RNGTT: variants seen among roughly 807,000 people sequenced by gnomAD.
RNGTT encodes the protein RNA guanylyltransferase and 5'-phosphatase.
In RNGTT, 33 loss-of-function variants were observed where a neutral mutation model predicts 79.3. The ratio of observed to expected loss-of-function variants is 0.42; its 90% confidence interval spans 0.32 to 0.56. RNGTT has a LOEUF of 0.56. Among genes scored for constraint, RNGTT ranks in the 20% least tolerant of loss-of-function variants. The probability of loss-of-function intolerance (pLI) is 0.17; values close to 1 mark genes in which losing one functional copy is unlikely to be tolerated. For synonymous variants in RNGTT, 222 were observed against 235.9 expected (o/e 0.94, Z 0.54); for missense variants, 497 against 739.1 (o/e 0.67, Z 3.80).
chr6:88,828,263 A>AC (rs982248709), intron 11 of RNGTT, among the ~76,000 whole-genome samples: 151 of 152,210 alleles, frequency 9.9e-4, no homozygotes, highest in African/African-American at 3.4e-3. Context: ...TCTGGACTGG[A>AC]CCCCCAGCAA....
intron 14 of RNGTT, among the ~76,000 whole-genome samples, chr6:88,615,670 A>C (rs1214822404): frequency 1.3e-5 from 2 of 152,236 alleles, no homozygotes; most frequent in Admixed American, 1.3e-4. Context: ...CAGTTTTGCT[A>C]TACCACATGT....
At chr6:88,872,804 G>C (rs1782398866) in intron 8 of RNGTT, among the ~76,000 whole-genome samples, 2 of 152,120 alleles carry the variant, frequency 1.3e-5, no homozygotes, top group South Asian at 4.1e-4. Flanking sequence ...GAAAAGTGCT[G>C]AGAAGCATGC....
intron 14 of RNGTT, among the ~76,000 whole-genome samples, chr6:88,636,840 T>C (rs1287337201): frequency 1.3e-5 from 2 of 151,918 alleles, no homozygotes; most frequent in Non-Finnish European, 2.9e-5. Flanking sequence ...TTAAGGACAA[T>C]TCTATCTAGT....
chr6:88,918,086 G>C (rs1208380291), intron 4 of RNGTT, among the ~76,000 whole-genome samples: 1 of 152,102 alleles, frequency 6.6e-6, no homozygotes, highest in African/African-American at 2.4e-5. Flanking sequence ...AGGAGGCCGA[G>C]GCGGGAATAT....
intron 12 of RNGTT, among the ~76,000 whole-genome samples, chr6:88,784,467 T>C (rs1169770937): frequency 6.6e-6 from 1 of 152,030 alleles, no homozygotes; most frequent in Non-Finnish European, 1.5e-5. Context: ...ACATCTAACT[T>C]GATAGTTGAA....
intron 13 of RNGTT, among the ~76,000 whole-genome samples, chr6:88,702,726 G>C (rs1424013346): frequency 6.6e-6 from 1 of 152,086 alleles, no homozygotes. Flanking sequence ...TAATTAAAGA[G>C]CTTCTGCAAA....
At chr6:88,710,968 A>AT (rs1427591656) in intron 13 of RNGTT, among the ~76,000 whole-genome samples, 1 of 152,168 alleles carries the variant, frequency 6.6e-6, no homozygotes, top group Non-Finnish European at 1.5e-5. Context: ...CCAATTCACA[A>AT]TATGTTTTCA....
At chr6:88,744,481 C>T (rs979898841) in intron 13 of RNGTT, among the ~76,000 whole-genome samples, 2 of 152,048 alleles carry the variant, frequency 1.3e-5, no homozygotes, top group Admixed American at 6.6e-5. Context: ...AAGATATTCT[C>T]GATCTCCTGA....
intron 14 of RNGTT, among the ~76,000 whole-genome samples, chr6:88,637,644 C>T (rs1018058998): frequency 5.3e-5 from 8 of 151,952 alleles, no homozygotes; most frequent in African/African-American, 1.4e-4. Context: ...TTTGCTTGCT[C>T]GGTTTCTCGT....
intron 11 of RNGTT, among the ~76,000 whole-genome samples, chr6:88,806,370 T>G (rs1779954742): frequency 2.0e-5 from 3 of 147,364 alleles, no homozygotes. Context: ...CAGGCTGGAG[T>G]GCAGTGGCAC....
intron 14 of RNGTT, among the ~76,000 whole-genome samples, chr6:88,646,761 C>T (rs1173976920): frequency 6.6e-6 from 1 of 151,880 alleles, no homozygotes; most frequent in South Asian, 2.1e-4. Context: ...CCAAACACCG[C>T]ATGTTCTCAC....
chr6:88,617,969 T>G (rs553490070), intron 14 of RNGTT, among the ~76,000 whole-genome samples: 2 of 152,218 alleles, frequency 1.3e-5, no homozygotes, highest in Non-Finnish European at 2.9e-5. Context: ...CATATGTACT[T>G]TACAAGAATG....
intron 11 of RNGTT, among the ~76,000 whole-genome samples, chr6:88,812,231 C>A (rs1023130190): frequency 2.6e-5 from 4 of 152,100 alleles, no homozygotes; most frequent in Admixed American, 2.0e-4. Flanking sequence ...CTTTCATTAA[C>A]CAATATTATT....
chr6:88,660,292 T>C (rs1268672678), intron 14 of RNGTT, among the ~76,000 whole-genome samples: 1 of 152,112 alleles, frequency 6.6e-6, no homozygotes, highest in African/African-American at 2.4e-5. Flanking sequence ...AATAGAACAG[T>C]ACCTCACATC....
At chr6:88,750,202 T>C (rs1777795610) in intron 13 of RNGTT, among the ~76,000 whole-genome samples, 1 of 152,142 alleles carries the variant, frequency 6.6e-6, no homozygotes, top group African/African-American at 2.4e-5. Context: ...TTCAACCCAC[T>C]ACACCAGGCA....
chr6:88,784,806 C>T (rs1260325101), intron 12 of RNGTT, among the ~76,000 whole-genome samples: 2 of 151,948 alleles, frequency 1.3e-5, no homozygotes, highest in Non-Finnish European at 1.5e-5. Flanking sequence ...TAAATCAGAG[C>T]GCTAACAAAA....
intron 4 of RNGTT, among the ~76,000 whole-genome samples, chr6:88,907,877 C>T (rs961440408): frequency 4.0e-5 from 6 of 151,698 alleles, no homozygotes; most frequent in Admixed American, 3.3e-4. Flanking sequence ...GCTGGAACTA[C>T]AGGCTCACAC....
At chr6:88,771,316 T>TGTGTATATATATATATAC in intron 12 of RNGTT, among the ~76,000 whole-genome samples, 1 of 13,656 alleles carries the variant, frequency 7.3e-5, no homozygotes, top group African/African-American at 1.5e-4. Flanking sequence ...TGTGTGTGTG[T>TGTGTATATATATATATAC]ATATATATAT....
chr6:88,902,065 G>A (rs1282409589), intron 6 of RNGTT, among the ~76,000 whole-genome samples: 2 of 152,130 alleles, frequency 1.3e-5, no homozygotes, highest in Non-Finnish European at 2.9e-5. Context: ...GCACACACCT[G>A]TAGTCACAGC....
Sources: allele counts gnomAD v4.1 joint callset (sites outside exome capture counted in the v4.1 genomes callset), GRCh38; gene constraint gnomAD v4.1.1; transcripts MANE v1.5; gene names NCBI Gene and HGNC (gene_info 2026-07-23, HGNC 2026-07-21).